The following DAPK2 variants were observed in gnomAD, a reference collection of about 807,000 sequenced individuals.
DAPK2 encodes the protein death associated protein kinase 2, also known as death-associated protein kinase 2.
Under a neutral mutation model 44.1 loss-of-function variants are expected in DAPK2, and 35 were observed. That is an observed-to-expected ratio of 0.79 (90% CI 0.61 to 1.05). DAPK2 has a LOEUF of 1.05. Among genes scored for constraint, DAPK2 ranks in the 50% least tolerant of loss-of-function variants. The pLI is 0.00. For missense variants in DAPK2, 453 were observed against 483.2 expected, an observed-to-expected ratio of 0.94 and a Z score of 0.59; for synonymous variants, 174 against 182.6, an observed-to-expected ratio of 0.95 and a Z score of 0.38.
At chr15:63,969,748 A>G (rs1308508175) in intron 3 of DAPK2, among the ~76,000 whole-genome samples, 2 of 152,114 alleles carry the variant, frequency 1.3e-5, no homozygotes, top group African/African-American at 2.4e-5. Context: ...TATTAAAAAA[A>G]AAAAAAAAGT....
intron 3 of DAPK2, among the ~76,000 whole-genome samples, chr15:63,951,311 G>C (rs2077580170): frequency 6.6e-6 from 1 of 152,140 alleles, no homozygotes; most frequent in African/African-American, 2.4e-5. Flanking sequence ...TTGGAATCAT[G>C]CAAGGGGGTG....
intron 1 of DAPK2, among the ~76,000 whole-genome samples, chr15:64,025,508 T>G (rs912778274): frequency 6.6e-6 from 1 of 152,194 alleles, no homozygotes; most frequent in African/African-American, 2.4e-5. Flanking sequence ...TGCTCACCGC[T>G]GCATCCTCCT....
intron 4 of DAPK2, among the ~76,000 whole-genome samples, chr15:63,932,171 A>AAG (rs1166582721): frequency 6.7e-6 from 1 of 149,334 alleles, no homozygotes; most frequent in East Asian, 2.0e-4. Flanking sequence ...TGTTTAAAAA[A>AAG]AAAAAAAAAA....
chr15:63,908,250 C>T lies in DAPK2; in HGVS notation c.*270G>A. 3.1e-6 allele frequency: 1 copy of T among 325,284 alleles called. No homozygotes were observed. Among genetic ancestry groups the T allele is most frequent in the Non-Finnish European group, 5.6e-6 (1 of 179,562 alleles). The allele number at this position is 325,284 out of a possible 1,614,324, so 20.1% of individuals were successfully genotyped here. On this transcript the variant is annotated 3_prime_UTR_variant, in exon 11 of 11. Transcript: ENST00000261891. This position sits in a 1 kb window ranked among gnomAD's most constrained non-coding sequence, Gnocchi z 5.7. ...TTGTTTTCCTAAGTCCACACTCCCA[C>T]CCCAGACTCTGAGGATGGCAGACAG...
intron 1 of DAPK2, among the ~76,000 whole-genome samples, chr15:64,018,724 TG>T (rs1054258766): frequency 1.3e-5 from 2 of 152,232 alleles, no homozygotes; most frequent in African/African-American, 4.8e-5. Context: ...CTTTTACACC[TG>T]GGGCTGCCTC....
exon 5 of DAPK2, chr15:63,930,433 C>A (rs771042818): frequency 6.2e-7 from 1 of 1,614,172 alleles, no homozygotes; most frequent in South Asian, 1.1e-5. Flanking sequence ...GACCCAGGGG[C>A]TCGTAGTTCA....
chr15:64,037,965 T>C (rs2080253938), intron 1 of DAPK2, among the ~76,000 whole-genome samples: 1 of 152,138 alleles, frequency 6.6e-6, no homozygotes, highest in Admixed American at 6.5e-5. Flanking sequence ...CACCCCAGGC[T>C]ATGAGCTGCA....
chr15:63,968,965 T>G (rs2078132783), intron 3 of DAPK2, among the ~76,000 whole-genome samples: 1 of 152,210 alleles, frequency 6.6e-6, no homozygotes, highest in Admixed American at 6.5e-5. Flanking sequence ...TCCACAGCAG[T>G]ACCAGGAAGT....
intron 3 of DAPK2, among the ~76,000 whole-genome samples, chr15:63,959,078 T>C (rs1439540130): frequency 8.5e-5 from 13 of 152,220 alleles, no homozygotes; most frequent in Non-Finnish European, 1.0e-4. Flanking sequence ...ACATCCCTTG[T>C]AAGTTGGATT....
intron 1 of DAPK2, among the ~76,000 whole-genome samples, chr15:64,032,994 G>A (rs944334537): frequency 3.9e-5 from 6 of 152,126 alleles, no homozygotes; most frequent in Non-Finnish European, 2.9e-5. Context: ...GCTGAGGCAC[G>A]AGAATTGCTT....
intron 1 of DAPK2, 135 bp downstream of exon 2, chr15:64,040,035 A>G: frequency 1.5e-6 from 1 of 670,620 alleles, no homozygotes; most frequent in Non-Finnish European, 2.7e-6. Flanking sequence ...AGGCAGGTGA[A>G]TAATCCTCAG....
chr15:63,970,596 A>C (rs895189407), intron 3 of DAPK2, among the ~76,000 whole-genome samples: 2 of 152,176 alleles, frequency 1.3e-5, no homozygotes, highest in Admixed American at 6.5e-5. Context: ...GGCCTCAGTG[A>C]ATTTTGTATC....
Position 63,912,580 on chromosome 15 carries a change from C to T in DAPK2, c.859-383G>A, listed in dbSNP as rs1021997945. Among the ~76,000 whole-genome samples, 18 of 152,308 alleles carry T rather than the reference C, an allele frequency of 1.2e-4. 1 individual carries two copies. The highest frequency in any genetic ancestry group is 4.3e-4 in the African/African-American group (18 of 41,556). On this transcript the variant is annotated intron_variant, in intron 8 of 10. Coordinates refer to ENST00000261891, the Ensembl canonical transcript of DAPK2. This position sits in a 1 kb window ranked among gnomAD's most constrained non-coding sequence, Gnocchi z 4.4. ...ATTCTGGGCTTGGCAAAACAAATGC[C>T]TTGTTGGTAGACGGGGAATTCATAC...
chr15:64,031,439 C>T (rs1476371889), intron 1 of DAPK2, among the ~76,000 whole-genome samples: 1 of 152,142 alleles, frequency 6.6e-6, no homozygotes, highest in Non-Finnish European at 1.5e-5. Context: ...ACATATGTTG[C>T]CCTGACTGGT....
At chr15:63,978,232 G>C (rs2078407988) in intron 2 of DAPK2, among the ~76,000 whole-genome samples, 1 of 152,190 alleles carries the variant, frequency 6.6e-6, no homozygotes, top group Non-Finnish European at 1.5e-5. Flanking sequence ...CACATCTGCA[G>C]TGCCCCCTCT....
At chr15:63,933,479 G>A (rs143385268) in intron 4 of DAPK2, among the ~76,000 whole-genome samples, 5,890 of 152,280 alleles carry the variant, frequency 0.039, 153 homozygotes, top group South Asian at 0.079. Context: ...CTGACCTCAG[G>A]TGATCCACGC....
At chr15:63,922,452 C>A (rs2079101540) in intron 8 of DAPK2, 1 of 1,173,422 alleles carries the variant, frequency 8.5e-7, no homozygotes, top group Non-Finnish European at 1.1e-6. Flanking sequence ...GGCCAGCCAT[C>A]CTCCCTCTGC....
In DAPK2 at chr15:63,990,691, G is replaced by A. The variant is rs1036941973; in HGVS notation, c.93-6937C>T. On this transcript the variant is annotated intron_variant, in intron 1 of 10. Transcript: ENST00000261891. This position sits in a 1 kb window ranked among gnomAD's most constrained non-coding sequence, Gnocchi z 4.3. ...CTCCTGCTTCCCCACCGCAGACACC[G>A]CAGTTCCTCTTTCCACTCTGGAGAA... Among the ~76,000 whole-genome samples the A allele has an allele frequency of 6.6e-6, 1 of 152,164 alleles. No individual in the cohort carries two copies. Among genetic ancestry groups the A allele is most frequent in the Non-Finnish European group, 1.5e-5 (1 of 68,018 alleles).
At chr15:64,032,753 C>T (rs2080052243) in intron 1 of DAPK2, among the ~76,000 whole-genome samples, 1 of 151,944 alleles carries the variant, frequency 6.6e-6, no homozygotes, top group Non-Finnish European at 1.5e-5. Flanking sequence ...GAGTTCAAGA[C>T]CAGCCTGGGT....
Sources: gnomAD v4.1 joint callset for allele counts (sites outside exome capture counted in the v4.1 genomes callset) on GRCh38, gnomAD v4.1.1 for gene constraint, Gnocchi (gnomAD v3.1) non-coding constraint, MANE v1.5 for transcripts, NCBI Gene and HGNC (gene_info 2026-07-23, HGNC 2026-07-21) for gene names.